Variants in NR2F1-AS1 observed in about 807,000 individuals in gnomAD.
NR2F1-AS1 encodes the protein NR2F1 regulatory antisense RNA 1, also known as NR2F1 antisense RNA 1.
chr5:93,540,180 A>C (rs564598527), intron 4 of NR2F1-AS1, among the ~76,000 whole-genome samples: 29 of 152,354 alleles, frequency 1.9e-4, no homozygotes, highest in Non-Finnish European at 2.5e-4. Context: ...GGTTTTATAA[A>C]TATGCAAAAA....
chr5:93,416,379 C>T (rs1276163670), intron 4 of NR2F1-AS1, among the ~76,000 whole-genome samples: 1 of 152,130 alleles, frequency 6.6e-6, no homozygotes, highest in South Asian at 2.1e-4. Flanking sequence ...ATTTATACAG[C>T]CATTTTTCCT....
chr5:93,428,863 T>C (rs1749249232), intron 4 of NR2F1-AS1, among the ~76,000 whole-genome samples: 1 of 152,202 alleles, frequency 6.6e-6, no homozygotes. Flanking sequence ...TCAGATCTGA[T>C]TGGTACTCTC....
chr5:93,513,205 A>G (rs2149891811), intron 4 of NR2F1-AS1, among the ~76,000 whole-genome samples: 1 of 152,300 alleles, frequency 6.6e-6, no homozygotes, highest in South Asian at 2.1e-4. Context: ...ATTTTTATAC[A>G]CTGTTAGAGA....
At chr5:93,437,391 T>C (rs1749458849) in intron 4 of NR2F1-AS1, among the ~76,000 whole-genome samples, 1 of 152,206 alleles carries the variant, frequency 6.6e-6, no homozygotes, top group Non-Finnish European at 1.5e-5. Context: ...ATTATAAAAA[T>C]TAATTTCACT....
At chr5:93,578,646 C>T (rs530394112) in intron 1 of NR2F1-AS1, among the ~76,000 whole-genome samples, 58 of 152,148 alleles carry the variant, frequency 3.8e-4, no homozygotes, top group African/African-American at 1.4e-3. Flanking sequence ...CCAGACTCAG[C>T]TTAAGGTTCC....
At chr5:93,448,718 T>C (rs61620938) in intron 4 of NR2F1-AS1, among the ~76,000 whole-genome samples, 2,515 of 152,318 alleles carry the variant, frequency 0.017, 74 homozygotes, top group African/African-American at 0.057. Context: ...AGACCACTGT[T>C]CCAGCTCAAG....
rs1006916196 is a variant in NR2F1-AS1, at chr5:93,425,098, A to G, written n.639-29556T>C. ...AATTTACTAGCTAAAACAACATTTT[A>G]TTTAGTTCATACGTCTGTGAATGGG... On this transcript the variant is annotated intron_variant and non_coding_transcript_variant, in intron 4 of 5. Coordinates refer to ENST00000660523, the Ensembl canonical transcript of NR2F1-AS1. 3.9e-5 allele frequency among the ~76,000 whole-genome samples: 6 copies of G among 152,334 alleles called. No homozygotes were observed. In the South Asian group the frequency reaches 1.2e-3, roughly 32 times the overall value.
chr5:93,430,745 C>T (rs918258949), intron 4 of NR2F1-AS1, among the ~76,000 whole-genome samples: 3 of 152,076 alleles, frequency 2.0e-5, no homozygotes, highest in Admixed American at 6.6e-5. Flanking sequence ...TGAAGTTTCC[C>T]GTCATTATCA....
intron 4 of NR2F1-AS1, among the ~76,000 whole-genome samples, chr5:93,489,277 A>C (rs1247590408): frequency 2.0e-5 from 3 of 151,800 alleles, no homozygotes. Context: ...GCCACCCTAA[A>C]CCTTCAGCAA....
intron 1 of NR2F1-AS1, among the ~76,000 whole-genome samples, chr5:93,569,003 G>GA (rs1752679553): frequency 6.6e-6 from 1 of 152,154 alleles, no homozygotes; most frequent in Non-Finnish European, 1.5e-5. Flanking sequence ...AGCTTATGGT[G>GA]AAAAAGTTGC....
At chr5:93,472,934 A>G (rs1750399870) in intron 4 of NR2F1-AS1, among the ~76,000 whole-genome samples, 1 of 151,958 alleles carries the variant, frequency 6.6e-6, no homozygotes, top group Non-Finnish European at 1.5e-5. Flanking sequence ...TCAAAATTAA[A>G]TGCCTGTTGT....
chr5:93,451,625 A>G (rs1481142387), intron 4 of NR2F1-AS1, among the ~76,000 whole-genome samples: 2 of 151,892 alleles, frequency 1.3e-5, no homozygotes, highest in African/African-American at 2.4e-5. Flanking sequence ...CTGGTCTCCA[A>G]CTCCTGAGGT....
chr5:93,532,154 A>T (rs984072473), intron 4 of NR2F1-AS1, among the ~76,000 whole-genome samples: 7 of 152,124 alleles, frequency 4.6e-5, no homozygotes, highest in African/African-American at 1.4e-4. Flanking sequence ...AAAAGCCTAC[A>T]ATTGTCCCAA....
intron 4 of NR2F1-AS1, among the ~76,000 whole-genome samples, chr5:93,459,270 T>C (rs1299783030): frequency 6.6e-6 from 1 of 152,112 alleles, no homozygotes; most frequent in East Asian, 1.9e-4. Context: ...ATATCTGAAA[T>C]ATTCAGATAT....
upstream of NR2F1-AS1, chr5:93,584,171 CGCGGGCGGCCCCG>C (rs946052778): frequency 4.7e-5 from 7 of 148,938 alleles, no homozygotes; most frequent in African/African-American, 1.5e-4. Flanking sequence ...GCGGCGGCGC[CGCGGGCGGCCCCG>C]GCCTCCGCTC....
chr5:93,430,297 A>G (rs1317698046), intron 4 of NR2F1-AS1, among the ~76,000 whole-genome samples: 1 of 152,100 alleles, frequency 6.6e-6, no homozygotes, highest in Non-Finnish European at 1.5e-5. Flanking sequence ...TCTTGTAAAA[A>G]CTTTTGTCAC....
At chr5:93,436,017 C>T (rs1448364163) in intron 4 of NR2F1-AS1, among the ~76,000 whole-genome samples, 2 of 152,136 alleles carry the variant, frequency 1.3e-5, no homozygotes, top group Non-Finnish European at 2.9e-5. Context: ...TTCTGTATCA[C>T]TTTATTATAG....
chr5:93,583,550 G>A (rs1561522392), upstream of NR2F1-AS1: 1 of 152,060 alleles, frequency 6.6e-6, no homozygotes, highest in African/African-American at 2.4e-5. Flanking sequence ...GGAGGAGGAG[G>A]AGGAGGCACC....
chr5:93,450,935 A>C (rs1457899401), intron 4 of NR2F1-AS1, among the ~76,000 whole-genome samples: 1 of 151,176 alleles, frequency 6.6e-6, no homozygotes, highest in Admixed American at 6.6e-5. Flanking sequence ...AAAAAAAAAA[A>C]AAAACAGAGA....
Sources: gnomAD v4.1 joint callset for allele counts (sites outside exome capture counted in the v4.1 genomes callset) on GRCh38, gnomAD v4.1.1 for gene constraint, MANE v1.5 for transcripts, NCBI Gene and HGNC (gene_info 2026-07-23, HGNC 2026-07-21) for gene names.